Variants in EDN1 observed in about 807,000 individuals in gnomAD.
EDN1 encodes endothelin-1.
A neutral mutation model predicts 21.7 loss-of-function variants in EDN1; 11 were observed. The observed-to-expected ratio is 0.51, with a 90% CI of 0.32 to 0.84. The LOEUF (loss-of-function observed/expected upper bound fraction) is 0.84, where lower values mean the gene tolerates loss of function less well. Ranked by LOEUF, EDN1 falls within the 40% of genes least tolerant of loss-of-function variation. EDN1 has a pLI of 0.03. For synonymous variants in EDN1, 85 were observed against 90.6 expected (o/e 0.94, Z 0.35); for missense variants, 244 against 262.3 (o/e 0.93, Z 0.48).
the EDN1 span, among the ~76,000 whole-genome samples, chr6:12,269,938 G>C: frequency 6.6e-6 from 1 of 151,842 alleles, no homozygotes; most frequent in Non-Finnish European, 1.5e-5. Flanking sequence ...CTTGGTCCGG[G>C]GCTTTTCTTT....
chr6:12,280,951 T>C, the EDN1 span, among the ~76,000 whole-genome samples: 1 of 152,258 alleles, frequency 6.6e-6, no homozygotes, highest in Non-Finnish European at 1.5e-5. Flanking sequence ...GAAACAATGA[T>C]AGGAAATTAA....
At chr6:12,282,555 G>C in the EDN1 span, among the ~76,000 whole-genome samples, 1 of 152,162 alleles carries the variant, frequency 6.6e-6, no homozygotes, top group Non-Finnish European at 1.5e-5. Context: ...TGGGGCCAGG[G>C]CTCCAGGCCT....
upstream of EDN1, among the ~76,000 whole-genome samples, chr6:12,287,064 C>T (rs576824821): frequency 6.6e-6 from 1 of 151,740 alleles, no homozygotes; most frequent in South Asian, 2.1e-4. Flanking sequence ...CTGCAGTGAG[C>T]TATAACTGCA....
chr6:12,252,487 AG>A, the EDN1 span, among the ~76,000 whole-genome samples: 1 of 152,232 alleles, frequency 6.6e-6, no homozygotes, highest in Non-Finnish European at 1.5e-5. Context: ...ATTATGAAGT[AG>A]GGTTCTGCAG....
At chr6:12,257,493 C>G in the EDN1 span, among the ~76,000 whole-genome samples, 4 of 152,042 alleles carry the variant, frequency 2.6e-5, no homozygotes, top group Non-Finnish European at 1.5e-5. Flanking sequence ...TTTGGGGATA[C>G]AAGCTAACAA....
At chr6:12,260,581 T>C in the EDN1 span, among the ~76,000 whole-genome samples, 1 of 152,198 alleles carries the variant, frequency 6.6e-6, no homozygotes, top group Non-Finnish European at 1.5e-5. Flanking sequence ...TCTACCCATG[T>C]AATTATATCA....
At chr6:12,294,122 A>G in intron 3 of EDN1, 26 bp downstream of exon 3, 1 of 1,614,174 alleles carries the variant, frequency 6.2e-7, no homozygotes, top group Non-Finnish European at 8.5e-7. Context: ...TTTGCTTTTC[A>G]ATCAGTTTAA....
chr6:12,287,773 C>G (rs772956740), upstream of EDN1, among the ~76,000 whole-genome samples: 2 of 151,224 alleles, frequency 1.3e-5, no homozygotes, highest in African/African-American at 2.4e-5. Context: ...CGCGCGCGCG[C>G]AGGCACACGT....
the EDN1 span, among the ~76,000 whole-genome samples, chr6:12,254,857 A>G: frequency 1.3e-5 from 2 of 152,176 alleles, no homozygotes; most frequent in Non-Finnish European, 2.9e-5. Context: ...TATGCTTATG[A>G]TTTAGAATAA....
At chr6:12,287,213 C>T (rs1561690670), upstream of EDN1, among the ~76,000 whole-genome samples, 1 of 152,016 alleles carries the variant, frequency 6.6e-6, no homozygotes. Flanking sequence ...TACATCTCTC[C>T]CTTCCTTCCC....
chr6:12,245,821 G>C, the EDN1 span, among the ~76,000 whole-genome samples: 1 of 152,230 alleles, frequency 6.6e-6, no homozygotes, highest in Non-Finnish European at 1.5e-5. Context: ...TGAAGGGAAA[G>C]AGGCTGTGGG....
the EDN1 span, among the ~76,000 whole-genome samples, chr6:12,253,589 T>C: frequency 2.0e-5 from 3 of 152,306 alleles, no homozygotes; most frequent in African/African-American, 7.2e-5. Flanking sequence ...TCCAGGAATT[T>C]ACACACACAT....
intron 1 of EDN1, among the ~76,000 whole-genome samples, chr6:12,291,682 C>T (rs1442740851): frequency 6.6e-6 from 1 of 152,196 alleles, no homozygotes; most frequent in Non-Finnish European, 1.5e-5. Context: ...TCCCCCCAGC[C>T]TACCTTCAGT....
chr6:12,232,435 G>A, the EDN1 span, among the ~76,000 whole-genome samples: 1 of 151,856 alleles, frequency 6.6e-6, no homozygotes, highest in East Asian at 1.9e-4. Flanking sequence ...GACATGACCA[G>A]GGTACTCATA....
the EDN1 span, among the ~76,000 whole-genome samples, chr6:12,273,197 T>G: frequency 7.9e-5 from 12 of 152,264 alleles, no homozygotes; most frequent in South Asian, 2.1e-4. Context: ...TGACATCCAA[T>G]CCAAGTCCTG....
the EDN1 span, among the ~76,000 whole-genome samples, chr6:12,232,142 TA>T: frequency 1.5e-5 from 2 of 135,118 alleles, no homozygotes; most frequent in African/African-American, 5.1e-5. Context: ...TATAATATAA[TA>T]AAGTGTTTAT....
chr6:12,284,720 AAAGGAAGGAAGG>A, the EDN1 span, among the ~76,000 whole-genome samples: 1,787 of 127,478 alleles, frequency 0.014, 44 homozygotes, highest in African/African-American at 0.035. Context: ...AGAAAGAAGG[AAAGGAAGGAAGG>A]AAGGAAGGAA....
the EDN1 span, among the ~76,000 whole-genome samples, chr6:12,248,441 GGTAGCTATCCTGA>G: frequency 6.6e-6 from 1 of 152,082 alleles, no homozygotes; most frequent in African/African-American, 2.4e-5. Flanking sequence ...CTCATTTCTG[GGTAGCTATCCTGA>G]AATTCATGAT....
chr6:12,258,448 TCAAAAAAAA>T, the EDN1 span, among the ~76,000 whole-genome samples: 4 of 27,746 alleles, frequency 1.4e-4, no homozygotes, highest in East Asian at 3.7e-3. Context: ...AGATCATGTC[TCAAAAAAAA>T]AAAAAAAAAA....
Sources: allele counts gnomAD v4.1 joint callset (sites outside exome capture counted in the v4.1 genomes callset), GRCh38; gene constraint gnomAD v4.1.1; transcripts MANE v1.5; gene names NCBI Gene and HGNC (gene_info 2026-07-23, HGNC 2026-07-21).